AFDN: variants seen among roughly 807,000 people sequenced by gnomAD.
The protein encoded by AFDN is afadin, adherens junction formation factor, also known as afadin.
In AFDN, 68 loss-of-function variants were observed where a neutral mutation model predicts 216.6. The observed-to-expected ratio is 0.31, with a 90% CI of 0.26 to 0.38. AFDN has a LOEUF of 0.38. AFDN is among the 10% of genes least tolerant of loss of function. The pLI is 1.00. For synonymous variants in AFDN, 868 were observed against 853.7 expected (o/e 1.02, Z -0.29); for missense variants, 2,136 against 2,342.0 (o/e 0.91, Z 1.82).
At chr6:167,845,748 A>G (rs1781597407) in intron 1 of AFDN, among the ~76,000 whole-genome samples, 1 of 152,198 alleles carries the variant, frequency 6.6e-6, no homozygotes, top group Admixed American at 6.5e-5. Context: ...AGACTGAGTG[A>G]GCACTTATTT....
At chr6:167,861,009 G>A (rs991569934) in intron 1 of AFDN, among the ~76,000 whole-genome samples, 16 of 152,214 alleles carry the variant, frequency 1.1e-4, no homozygotes, top group African/African-American at 3.9e-4. Context: ...GTTAATGCTG[G>A]CTGTACCTCA....
chr6:167,839,988 A>C (rs1780882416), intron 1 of AFDN, among the ~76,000 whole-genome samples: 1 of 152,172 alleles, frequency 6.6e-6, no homozygotes, highest in Non-Finnish European at 1.5e-5. Context: ...CGCGCTGAGC[A>C]AGAGGAGCAC....
chr6:167,846,809 A>T (rs1487553818), intron 1 of AFDN, among the ~76,000 whole-genome samples: 1 of 149,190 alleles, frequency 6.7e-6, no homozygotes, highest in African/African-American at 2.5e-5. Flanking sequence ...CAGGGGAGTT[A>T]ATCTATTAGA....
chr6:167,843,348 A>G (rs1781290427), intron 1 of AFDN, among the ~76,000 whole-genome samples: 1 of 152,202 alleles, frequency 6.6e-6, no homozygotes, highest in South Asian at 2.1e-4. Context: ...AATCTACTAA[A>G]AGTCAAGGAT....
At position 167,848,114 on chromosome 6, in the gene AFDN, T is replaced by G. The variant is rs542576333; in HGVS notation, c.106-16437T>G. Reference sequence around the variant, plus strand: ...TATGTGAAACTGTGGGGGTAGCACTTTGGTGAAACAGGAGCTCCTCCCTAA... The same window carrying G: ...TATGTGAAACTGTGGGGGTAGCACTGTGGTGAAACAGGAGCTCCTCCCTAA... On this transcript the variant is annotated intron_variant, in intron 1 of 33. Transcript: ENST00000683244. 5.1e-4 allele frequency among the ~76,000 whole-genome samples: 77 copies of G among 152,290 alleles called. 1 individual carries two copies. The Middle Eastern group carries it at 0.031, about 61-fold the overall frequency.
chr6:167,964,818 C>T lies in AFDN; in HGVS notation c.4969-939C>T, dbSNP rs1450808934. On this transcript the variant is annotated intron_variant, in intron 31 of 33. Transcript: ENST00000683244. Reference sequence around the variant, plus strand: ...CATTTCACAGCATTAAACATTTACTCGAGGCAGTTTATTCTGTTTGCTCTT... The same window carrying T: ...CATTTCACAGCATTAAACATTTACTTGAGGCAGTTTATTCTGTTTGCTCTT... 59 of 1,066,110 alleles carry T rather than the reference C, an allele frequency of 5.5e-5. No individual in the cohort carries two copies. In the East Asian group the frequency reaches 1.8e-3, roughly 32 times the overall value. 66.0% of individuals were successfully genotyped at this position (1,066,110 alleles called of 1,614,324 possible). A position where few individuals can be genotyped will look rare whatever the true frequency, so the allele number is the denominator to read the frequency against.
chr6:167,969,798 C>T lies in AFDN; in HGVS notation c.5359C>T (p.Pro1787Ser), dbSNP rs1487703156. The T allele has an allele frequency of 4.3e-6, 7 of 1,610,638 alleles. No individual in the cohort carries two copies. Among genetic ancestry groups the T allele is most frequent in the Non-Finnish European group, 5.9e-6 (7 of 1,179,158 alleles). The change falls in exon 34 of 34, where the codon CCT (proline) becomes TCT (serine). Residue 1787 changes from proline to serine, a missense_variant. By Grantham distance (74) the Pro-to-Ser change is moderately conservative (BLOSUM62 -1). Around this residue, in one of 8 missense-constraint regions of AFDN, gnomAD observed 981 missense variants for 966.0 expected, o/e 1.02. Transcript: ENST00000683244. ...CTTCTGCAGCCAAGATGCAGATTCA[C>T]CTGGAAGTTCTGGGGCCCCTGAAAA... is the stretch of plus-strand genomic sequence containing the variant. Reference protein sequence around the residue: ...KRSKSQDADSPGSSGAPENLT... With the variant: ...KRSKSQDADSSGSSGAPENLT...
At chr6:167,851,738 T>G (rs1782330996) in intron 1 of AFDN, among the ~76,000 whole-genome samples, 1 of 152,210 alleles carries the variant, frequency 6.6e-6, no homozygotes. Flanking sequence ...TCTGGCTGTT[T>G]CCAAGGCTCT....
intron 12 of AFDN, among the ~76,000 whole-genome samples, chr6:167,903,418 C>T (rs1423746835): frequency 2.0e-5 from 3 of 152,190 alleles, no homozygotes; most frequent in Admixed American, 1.3e-4. Context: ...AGCCAGAAGT[C>T]GTAGTGTTGT....
intron 11 of AFDN, among the ~76,000 whole-genome samples, chr6:167,899,070 C>G (rs1241350878): frequency 2.6e-5 from 4 of 152,056 alleles, no homozygotes; most frequent in Non-Finnish European, 5.9e-5. Flanking sequence ...TGAAAACTCC[C>G]CTAGATTGTA....
chr6:167,947,337 G>C (rs1244511017), intron 27 of AFDN, among the ~76,000 whole-genome samples: 1 of 151,938 alleles, frequency 6.6e-6, no homozygotes. Flanking sequence ...CCACCACCAC[G>C]CCCGGCTAAT....
Position 167,962,833 on chromosome 6 carries a change from C to T in AFDN, c.4968+266C>T. 1 of 1,289,020 alleles carries T rather than the reference C, an allele frequency of 7.8e-7. No homozygotes were observed. The highest frequency in any genetic ancestry group is 9.9e-7 in the Non-Finnish European group (1 of 1,013,900). The allele number at this position is 1,289,020 out of a possible 1,614,324, so 79.8% of individuals were successfully genotyped here. On this transcript the variant is annotated intron_variant, in intron 31 of 33. Coordinates refer to ENST00000683244, the MANE Select transcript of AFDN (RefSeq NM_001386888.1). The surrounding 1 kb of genome is among the most constrained non-coding windows in gnomAD (Gnocchi z 5.2). ...CTCTTGGGCGTGTGTAGCAGTGAGC[C>T]TCTTTGCAAAGGGTTCGTTTCCTCG...
At chr6:167,964,745 C>G in intron 31 of AFDN, 1 of 1,065,420 alleles carries the variant, frequency 9.4e-7, no homozygotes, top group Non-Finnish European at 1.1e-6. Flanking sequence ...AGCAAGCTCT[C>G]TAAAATTAGT....
intron 23 of AFDN, among the ~76,000 whole-genome samples, chr6:167,930,411 A>G (rs529832821): frequency 2.6e-5 from 4 of 152,184 alleles, no homozygotes; most frequent in African/African-American, 9.7e-5. Flanking sequence ...GTGATGAATT[A>G]TATGGTTGAT....
intron 6 of AFDN, among the ~76,000 whole-genome samples, chr6:167,883,803 C>T (rs1786445795): frequency 6.6e-6 from 1 of 152,150 alleles, no homozygotes; most frequent in Non-Finnish European, 1.5e-5. Context: ...GTGGTGGTTG[C>T]TGAAGGTGAG....
chr6:167,914,122 C>T (rs751171623), intron 16 of AFDN, 46 bp from the exon 17 acceptor site: 1 of 1,601,146 alleles, frequency 6.2e-7, no homozygotes, highest in South Asian at 1.1e-5. Context: ...ATTTTTATTA[C>T]TTTTGTTTAT....
At chr6:167,827,303 C>G (rs1779211772) in intron 1 of AFDN, 66 bp downstream of exon 1, 1 of 598,388 alleles carries the variant, frequency 1.7e-6, no homozygotes, top group South Asian at 7.0e-5. Context: ...GCCCCTCCCC[C>G]CCGCCGCCGC....
chr6:167,943,295 G>A, intron 24 of AFDN, 101 bp downstream of exon 24: 8 of 1,434,332 alleles, frequency 5.6e-6, no homozygotes, highest in Non-Finnish European at 7.9e-6. Context: ...GCACTATAGT[G>A]CTTGTTGGAA....
At chr6:167,929,794 T>C (rs1562692948) in intron 23 of AFDN, among the ~76,000 whole-genome samples, 1 of 152,196 alleles carries the variant, frequency 6.6e-6, no homozygotes, top group African/African-American at 2.4e-5. Context: ...CCCTAACTTG[T>C]AGATGATGTT....
Sources: allele counts gnomAD v4.1 joint callset (sites outside exome capture counted in the v4.1 genomes callset), GRCh38; gene constraint gnomAD v4.1.1; regional missense constraint gnomAD v4.1.1; non-coding constraint Gnocchi (gnomAD v3.1); transcripts MANE v1.5; gene names NCBI Gene and HGNC (gene_info 2026-07-23, HGNC 2026-07-21).